Variants in CDH18 observed in about 807,000 individuals in gnomAD.
The protein encoded by CDH18 is cadherin-18.
Under a neutral mutation model 67.9 loss-of-function variants are expected in CDH18, and 31 were observed. The observed-to-expected ratio is 0.46, with a 90% CI of 0.34 to 0.62. The LOEUF is 0.62. Among genes scored for constraint, CDH18 ranks in the 20% least tolerant of loss-of-function variants. The probability of loss-of-function intolerance (pLI) is 0.01; values close to 1 mark genes in which losing one functional copy is unlikely to be tolerated. For synonymous variants in CDH18, 362 were observed against 347.2 expected, an observed-to-expected ratio of 1.04 and a Z score of -0.48; for missense variants, 890 against 975.5, an observed-to-expected ratio of 0.91 and a Z score of 1.17.
At chr5:20,386,212 ATC>A (rs1393057824) in intron 1 of CDH18, among the ~76,000 whole-genome samples, 1 of 152,168 alleles carries the variant, frequency 6.6e-6, no homozygotes, top group Non-Finnish European at 1.5e-5. Context: ...GAGCTAGCAG[ATC>A]TGCACTGAGA....
At chr5:19,678,246 C>G in intron 5 of CDH18, among the ~76,000 whole-genome samples, 1 of 141,990 alleles carries the variant, frequency 7.0e-6, no homozygotes. Context: ...CTCAGCAAAT[C>G]AAAAAAAAAA....
At chr5:19,902,824 A>C (rs1223631677) in intron 2 of CDH18, among the ~76,000 whole-genome samples, 1 of 152,126 alleles carries the variant, frequency 6.6e-6, no homozygotes, top group Non-Finnish European at 1.5e-5. Context: ...CCACTCTCTA[A>C]AGTGGGCCTT....
At chr5:19,977,832 C>T (rs1012846934) in intron 2 of CDH18, among the ~76,000 whole-genome samples, 3 of 152,070 alleles carry the variant, frequency 2.0e-5, no homozygotes, top group Non-Finnish European at 2.9e-5. Flanking sequence ...GGTTGAGCAA[C>T]ATTCTAGTCT....
At chr5:20,256,396 T>C (rs1258708856) in intron 1 of CDH18, among the ~76,000 whole-genome samples, 1 of 152,070 alleles carries the variant, frequency 6.6e-6, no homozygotes, top group African/African-American at 2.4e-5. Flanking sequence ...ACGATTTCTA[T>C]TTCCTAAAAC....
At chr5:19,580,966 T>C (rs1175849613) in intron 7 of CDH18, among the ~76,000 whole-genome samples, 1 of 151,970 alleles carries the variant, frequency 6.6e-6, no homozygotes, top group African/African-American at 2.4e-5. Context: ...TATTATTAAG[T>C]TAAAAATGAG....
At chr5:19,561,281 G>A (rs765639397) in intron 8 of CDH18, among the ~76,000 whole-genome samples, 5 of 151,968 alleles carry the variant, frequency 3.3e-5, no homozygotes, top group Non-Finnish European at 5.9e-5. Context: ...GTCAATGTAG[G>A]GATAAAGAAA....
chr5:19,683,914 G>A (rs1760695119), intron 5 of CDH18, among the ~76,000 whole-genome samples: 1 of 152,110 alleles, frequency 6.6e-6, no homozygotes, highest in African/African-American at 2.4e-5. Context: ...GCATCGCCAG[G>A]AAACTTGAAT....
intron 1 of CDH18, among the ~76,000 whole-genome samples, chr5:20,483,830 A>G (rs1752988829): frequency 6.6e-6 from 1 of 152,076 alleles, no homozygotes; most frequent in African/African-American, 2.4e-5. Context: ...TGAAACTAGT[A>G]AAAGACAACC....
chr5:19,604,625 G>A (rs1417470360), intron 6 of CDH18, among the ~76,000 whole-genome samples: 1 of 150,668 alleles, frequency 6.6e-6, no homozygotes, highest in Non-Finnish European at 1.5e-5. Flanking sequence ...GCTGAATATT[G>A]ATTATTAAGC....
intron 1 of CDH18, among the ~76,000 whole-genome samples, chr5:20,333,987 A>T (rs1739446059): frequency 6.6e-6 from 1 of 152,076 alleles, no homozygotes; most frequent in African/African-American, 2.4e-5. Context: ...TAAAAGATAA[A>T]CGTTTGGGGT....
At chr5:20,227,199 A>G (rs956176371) in intron 2 of CDH18, among the ~76,000 whole-genome samples, 1 of 152,074 alleles carries the variant, frequency 6.6e-6, no homozygotes, top group Non-Finnish European at 1.5e-5. Flanking sequence ...TAGCTCCTAC[A>G]CGTGGGATTT....
At chr5:20,018,914 C>T (rs1414038794) in intron 2 of CDH18, among the ~76,000 whole-genome samples, 1 of 146,550 alleles carries the variant, frequency 6.8e-6, no homozygotes, top group African/African-American at 2.6e-5. Context: ...CCTGCCTCAG[C>T]CTCCCGTGTA....
intron 1 of CDH18, among the ~76,000 whole-genome samples, chr5:20,326,599 C>T (rs549766300): frequency 8.9e-5 from 13 of 145,752 alleles, no homozygotes; most frequent in Middle Eastern, 3.8e-3. Flanking sequence ...AGTGCAGTGG[C>T]GCAATCTCAG....
chr5:20,381,713 C>G (rs777029138), intron 1 of CDH18, among the ~76,000 whole-genome samples: 1 of 152,024 alleles, frequency 6.6e-6, no homozygotes, highest in Non-Finnish European at 1.5e-5. Context: ...AGAATATCTA[C>G]AAGGGTGGCC....
At chr5:19,921,279 C>T (rs1194583928) in intron 2 of CDH18, among the ~76,000 whole-genome samples, 1 of 152,096 alleles carries the variant, frequency 6.6e-6, no homozygotes, top group East Asian at 1.9e-4. Flanking sequence ...CACCTGTAAT[C>T]CCAGCACTTT....
intron 1 of CDH18, among the ~76,000 whole-genome samples, chr5:20,438,875 G>A (rs1179062800): frequency 1.3e-5 from 2 of 151,464 alleles, no homozygotes; most frequent in Non-Finnish European, 3.0e-5. Flanking sequence ...TAGGAGATAC[G>A]AGTGTAGAAA....
chr5:20,523,551 AT>A (rs1376713910), intron 1 of CDH18, among the ~76,000 whole-genome samples: 6 of 151,832 alleles, frequency 4.0e-5, no homozygotes, highest in Admixed American at 6.6e-5. Context: ...ATCATAACTT[AT>A]TTTTTTTAGA....
chr5:20,256,524 T>G (rs538639934), intron 1 of CDH18, among the ~76,000 whole-genome samples: 2 of 152,084 alleles, frequency 1.3e-5, no homozygotes, highest in African/African-American at 4.8e-5. Context: ...TTATTTATAC[T>G]AGGAATAAAA....
In CDH18 at chr5:19,746,980, C is replaced by T; in HGVS notation, c.485G>A (p.Gly162Glu). The T allele has an allele frequency of 6.2e-7, 1 of 1,614,048 alleles. No homozygotes were observed. The highest frequency in any genetic ancestry group is 8.5e-7 in the Non-Finnish European group (1 of 1,180,006). Reference sequence around the variant, plus strand: ...TTCAGGCACAGTAACAATGTATGGTCCATCTGTGAATTTTGGAGCGTTGTC... The same window carrying T: ...TTCAGGCACAGTAACAATGTATGGTTCATCTGTGAATTTTGGAGCGTTGTC... Reference protein sequence around the residue: ...INDNAPKFTDGPYIVTVPEMS... With the variant: ...INDNAPKFTDEPYIVTVPEMS... Residue 162 changes from glycine to glutamate, a missense_variant, in exon 4 of 13, where the codon GGA (glycine) becomes GAA (glutamate). Transcript: ENST00000382275.
Sources: gnomAD v4.1 joint callset for allele counts (sites outside exome capture counted in the v4.1 genomes callset) on GRCh38, gnomAD v4.1.1 for gene constraint, MANE v1.5 for transcripts, NCBI Gene and HGNC (gene_info 2026-07-23, HGNC 2026-07-21) for gene names.